The following MPHOSPH9 variants were observed in gnomAD, a reference collection of about 807,000 sequenced individuals.
MPHOSPH9 encodes M-phase phosphoprotein 9.
Under a neutral mutation model 145.5 loss-of-function variants are expected in MPHOSPH9, and 88 were observed. The ratio of observed to expected loss-of-function variants is 0.60; its 90% CI spans 0.51 to 0.72. The LOEUF is 0.72. Ranked by LOEUF, MPHOSPH9 falls within the 30% of genes least tolerant of loss-of-function variation. MPHOSPH9 has a pLI of 0.00. For missense variants in MPHOSPH9, 1,238 were observed against 1,386.6 expected (o/e 0.89, Z 1.70); for synonymous variants, 435 against 486.2 (o/e 0.89, Z 1.39).
intron 2 of MPHOSPH9, among the ~76,000 whole-genome samples, chr12:123,227,872 A>G (rs1265324954): frequency 6.6e-6 from 1 of 152,220 alleles, no homozygotes; most frequent in African/African-American, 2.4e-5. Flanking sequence ...AAGGATCGGC[A>G]GAAAATAGAA....
intron 7 of MPHOSPH9, among the ~76,000 whole-genome samples, chr12:123,213,986 G>A (rs2046855325): frequency 6.6e-6 from 1 of 152,100 alleles, no homozygotes; most frequent in Admixed American, 6.6e-5. Context: ...GAAGTGGTGC[G>A]ATTCTAGAAA....
chr12:123,205,402 C>T (rs1341050549), intron 8 of MPHOSPH9, among the ~76,000 whole-genome samples: 4 of 152,026 alleles, frequency 2.6e-5, no homozygotes, highest in Admixed American at 6.6e-5. Context: ...AAAAATTAGC[C>T]GGGTGTGGTG....
intron 4 of MPHOSPH9, among the ~76,000 whole-genome samples, chr12:123,222,351 C>T (rs2047239847): frequency 1.4e-5 from 2 of 143,174 alleles, no homozygotes. Context: ...ATTGATATAA[C>T]GTATTGTTTT....
At chr12:123,216,572 C>T (rs1251282553) in intron 6 of MPHOSPH9, among the ~76,000 whole-genome samples, 1 of 152,144 alleles carries the variant, frequency 6.6e-6, no homozygotes, top group Non-Finnish European at 1.5e-5. Context: ...ATTATCTGGC[C>T]AGGCACAGTG....
At chr12:123,189,844 G>A (rs577345413) in intron 13 of MPHOSPH9, among the ~76,000 whole-genome samples, 3 of 151,886 alleles carry the variant, frequency 2.0e-5, no homozygotes, top group East Asian at 3.9e-4. Context: ...GCTGAGGCAG[G>A]AGAATGGCAC....
intron 8 of MPHOSPH9, among the ~76,000 whole-genome samples, chr12:123,204,517 C>T (rs1475322506): frequency 6.6e-6 from 1 of 152,178 alleles, no homozygotes; most frequent in African/African-American, 2.4e-5. Context: ...CCACCCATCA[C>T]TTCTCAGCCT....
At chr12:123,213,345 ATT>A (rs201607603) in intron 7 of MPHOSPH9, among the ~76,000 whole-genome samples, 1 of 148,922 alleles carries the variant, frequency 6.7e-6, no homozygotes, top group Non-Finnish European at 1.5e-5. Flanking sequence ...TGCATTTTCA[ATT>A]TTTTTTTTTC....
rs1346734520 is a variant in MPHOSPH9 at position 123,221,755 on chromosome 12, A to G, written c.489T>C (p.Asn163=). ...ATTCAGGATAATGGATAACAGATTCATTTCTCTCACTGCTTAGAGAAAAAA... is the reference window on the plus strand; with the variant it reads ...ATTCAGGATAATGGATAACAGATTCGTTTCTCTCACTGCTTAGAGAAAAAA... ...MGFFSLSSER[N]ESVIHYPEST... The change falls in exon 5 of 24, where the codon AAT becomes AAC. Residue 163 remains asparagine (N), a synonymous_variant. Coordinates refer to ENST00000606320, the MANE Select transcript of MPHOSPH9 (RefSeq NM_022782.4). 6.2e-7 allele frequency: 1 copy of G among 1,614,070 alleles called. No homozygotes were observed. Among genetic ancestry groups the G allele is most frequent in the Non-Finnish European group, 8.5e-7 (1 of 1,180,016 alleles).
intron 1 of MPHOSPH9, among the ~76,000 whole-genome samples, chr12:123,232,199 G>A (rs952145287): frequency 6.6e-6 from 1 of 151,824 alleles, no homozygotes; most frequent in Admixed American, 6.6e-5. Context: ...TCTCCAGGGA[G>A]ATGAACCTGC....
chr12:123,239,762 A>AT (rs1175821697), intron 1 of MPHOSPH9, among the ~76,000 whole-genome samples: 1 of 151,996 alleles, frequency 6.6e-6, no homozygotes, highest in African/African-American at 2.4e-5. Flanking sequence ...CAGAGGTGAC[A>AT]TTTTTTATTT....
At chr12:123,194,762 A>C (rs2045870884) in intron 12 of MPHOSPH9, among the ~76,000 whole-genome samples, 161 bp from the exon 13 acceptor site, 1 of 151,462 alleles carries the variant, frequency 6.6e-6, no homozygotes, top group Admixed American at 6.6e-5. Context: ...CTGCGATTAC[A>C]GGCGCCCACC....
Position 123,156,586 on chromosome 12 carries a change from G to C in MPHOSPH9, c.*221C>G, listed in dbSNP as rs2137823327. ...GAGACAGATACTATTTAAAAATAAT[G>C]CTTTTTAAATAGTAAAATATACAAG... On this transcript the variant is annotated 3_prime_UTR_variant, in exon 24 of 24. Coordinates refer to ENST00000606320, the MANE Select transcript of MPHOSPH9 (RefSeq NM_022782.4). 1 of 357,158 alleles carries C rather than the reference G, an allele frequency of 2.8e-6. No individual in the cohort carries two copies. Among genetic ancestry groups the C allele is most frequent in the Non-Finnish European group, 5.0e-6 (1 of 199,120 alleles). 22.1% of individuals were successfully genotyped at this position (357,158 alleles called of 1,614,324 possible).
At chr12:123,173,582 C>T (rs1301828998) in intron 16 of MPHOSPH9, among the ~76,000 whole-genome samples, 1 of 145,936 alleles carries the variant, frequency 6.9e-6, no homozygotes. Context: ...TCTGTCCAAT[C>T]ACATTTCAAC....
intron 3 of MPHOSPH9, among the ~76,000 whole-genome samples, chr12:123,225,852 A>G (rs1214209491): frequency 1.3e-5 from 2 of 152,190 alleles, no homozygotes; most frequent in East Asian, 3.9e-4. Context: ...CCTGGCCAAC[A>G]TGGCTAAACC....
intron 13 of MPHOSPH9, among the ~76,000 whole-genome samples, chr12:123,181,464 T>C (rs1386215812): frequency 6.6e-6 from 1 of 151,908 alleles, no homozygotes; most frequent in Non-Finnish European, 1.5e-5. Context: ...CTCAACACTT[T>C]GGGAGGCTGA....
chr12:123,221,699 G>A lies in MPHOSPH9; in HGVS notation c.545C>T (p.Ser182Phe), dbSNP rs1004355689. The change falls in exon 5 of 24, where the codon TCC becomes TTC. Residue 182 changes from serine (S) to phenylalanine (F), a missense_variant. This residue lies in a region of MPHOSPH9 where 837 missense variants were observed against 897.5 expected (regional missense o/e 0.93). Transcript: ENST00000606320. Reference sequence around the variant, plus strand: ...CACATTGCAGTCTGGTTGTGACGTGGACATTTCTTGCTGTATTTCAGGTTC... The same window carrying A: ...CACATTGCAGTCTGGTTGTGACGTGAACATTTCTTGCTGTATTTCAGGTTC... ...STEPEIQQEM[S>F]TSQPDCNVDS... The A allele has an allele frequency of 6.2e-7, 1 of 1,613,954 alleles. No homozygotes were observed. Among genetic ancestry groups the A allele is most frequent in the African/African-American group, 1.3e-5 (1 of 74,910 alleles).
intron 3 of MPHOSPH9, 50 bp downstream of exon 3, chr12:123,227,413 G>A (rs1386113977): frequency 1.5e-6 from 2 of 1,320,920 alleles, no homozygotes; most frequent in Admixed American, 2.8e-5. Context: ...GTAGAGGTAT[G>A]TTTTAACATA....
intron 18 of MPHOSPH9, 74 bp from the exon 19 acceptor site, chr12:123,164,164 T>A: frequency 6.5e-7 from 1 of 1,545,632 alleles, no homozygotes; most frequent in Non-Finnish European, 8.9e-7. Flanking sequence ...CCACCTTTAT[T>A]AACAGGTGGT....
At chr12:123,215,977 C>G (rs2046938284) in intron 6 of MPHOSPH9, among the ~76,000 whole-genome samples, 1 of 152,116 alleles carries the variant, frequency 6.6e-6, no homozygotes, top group Admixed American at 6.6e-5. Context: ...GTGGCTCACG[C>G]CTATAATCCC....
Sources: allele counts gnomAD v4.1 joint callset (sites outside exome capture counted in the v4.1 genomes callset), GRCh38; gene constraint gnomAD v4.1.1; regional missense constraint gnomAD v4.1.1; transcripts MANE v1.5; gene names NCBI Gene and HGNC (gene_info 2026-07-23, HGNC 2026-07-21).